Variants in DMC1 observed in about 807,000 individuals in gnomAD.
DMC1 encodes the protein DNA meiotic recombinase 1, also known as meiotic recombination protein DMC1 homolog.
Under a neutral mutation model 50.1 loss-of-function variants are expected in DMC1, and 27 were observed. The ratio of observed to expected loss-of-function variants is 0.54; its 90% CI spans 0.40 to 0.74. The LOEUF is 0.74. Among genes scored for constraint, DMC1 ranks in the 30% least tolerant of loss-of-function variants. The pLI is 0.00. For synonymous variants in DMC1, 148 were observed against 136.1 expected (o/e 1.09, Z -0.61); for missense variants, 295 against 420.2 (o/e 0.70, Z 2.60).
chr22:38,526,250 G>C (rs576930805), intron 12 of DMC1, among the ~76,000 whole-genome samples: 1 of 152,024 alleles, frequency 6.6e-6, no homozygotes, highest in South Asian at 2.1e-4. Flanking sequence ...TGTTGCCCAG[G>C]CTGGAGTGCA....
At chr22:38,530,264 G>A (rs1360771149) in intron 12 of DMC1, among the ~76,000 whole-genome samples, 1 of 151,908 alleles carries the variant, frequency 6.6e-6, no homozygotes, top group Non-Finnish European at 1.5e-5. Flanking sequence ...ATGCCTGGCA[G>A]GGGAGGCTTT....
intron 8 of DMC1, among the ~76,000 whole-genome samples, chr22:38,540,751 A>C (rs1177714349): frequency 6.6e-6 from 1 of 152,184 alleles, no homozygotes. Context: ...TATACCCAGT[A>C]GATGTTTTTG....
rs774534708 is a variant in DMC1, at chr22:38,536,178, T to C, written c.836+1414A>G. ...TTGCAGTGAGCAGAGATGGTGCCAC[T>C]GCATTGCAGCTTGGGTGACAGAGTG... On this transcript the variant is annotated intron_variant, in intron 12 of 13. Transcript: ENST00000216024. 1.6e-4 allele frequency among the ~76,000 whole-genome samples: 24 copies of C among 151,868 alleles called. 1 individual carries two copies. The highest frequency in any genetic ancestry group is 1.3e-4 in the Admixed American group (2 of 15,250).
chr22:38,541,316 G>A (rs546509954), intron 8 of DMC1, among the ~76,000 whole-genome samples: 2 of 152,144 alleles, frequency 1.3e-5, no homozygotes, highest in Admixed American at 6.5e-5. Context: ...TTTTGAGATG[G>A]AGTCTCACTC....
intron 1 of DMC1, among the ~76,000 whole-genome samples, chr22:38,569,644 T>TA (rs2090618373): frequency 6.6e-6 from 1 of 152,202 alleles, no homozygotes; most frequent in Admixed American, 6.5e-5. Flanking sequence ...GAGCCGTTGA[T>TA]AGACTGAACC....
the DMC1 span, among the ~76,000 whole-genome samples, chr22:38,511,816 G>A: frequency 1.4e-3 from 215 of 152,238 alleles, no homozygotes; most frequent in Non-Finnish European, 2.1e-3. Context: ...GCATATTGAT[G>A]TCTGGAACAA....
chr22:38,542,253 G>A (rs1004812887), intron 8 of DMC1, among the ~76,000 whole-genome samples: 2 of 151,792 alleles, frequency 1.3e-5, no homozygotes, highest in Admixed American at 6.6e-5. Context: ...TTGAAAAGGA[G>A]GAAGTCAAAT....
At chr22:38,568,374 G>T in intron 1 of DMC1, 85 bp from the exon 2 acceptor site, 1 of 978,868 alleles carries the variant, frequency 1.0e-6, no homozygotes, top group East Asian at 2.5e-5. Flanking sequence ...AGGACTAGAA[G>T]GACAGTAAGA....
intron 12 of DMC1, among the ~76,000 whole-genome samples, chr22:38,525,758 T>C (rs1488626908): frequency 6.6e-6 from 1 of 152,002 alleles, no homozygotes; most frequent in Non-Finnish European, 1.5e-5. Flanking sequence ...CTGGACAACA[T>C]GGTAAAACCC....
At chr22:38,567,715 A>C in intron 2 of DMC1, 88 bp from the exon 3 acceptor site, 1 of 993,886 alleles carries the variant, frequency 1.0e-6, no homozygotes, top group Non-Finnish European at 1.6e-6. Context: ...CAATACTATG[A>C]GTCACTCCAA....
rs1474467368 is a variant in DMC1 at position 38,519,656 on chromosome 22, TG to T, written c.*363del. On this transcript the variant is annotated 3_prime_UTR_variant, in exon 14 of 14. Coordinates refer to ENST00000216024, the MANE Select transcript of DMC1 (RefSeq NM_007068.4). ...AGACTTTCTGTTTAGTGGCTCACTT[TG>T]AAAAGTGAAAGGGAGGGAATCACGT... 1 of 275,612 alleles carries T rather than the reference TG, an allele frequency of 3.6e-6. No individual in the cohort carries two copies. The highest frequency in any genetic ancestry group is 4.7e-5 in the Admixed American group (1 of 21,280). 17.1% of individuals were successfully genotyped at this position (275,612 alleles called of 1,614,324 possible). A position where few individuals can be genotyped will look rare whatever the true frequency, so the allele number is the denominator to read the frequency against.
intron 5 of DMC1, among the ~76,000 whole-genome samples, chr22:38,556,277 T>C (rs2090468572): frequency 1.3e-5 from 2 of 152,104 alleles, no homozygotes; most frequent in South Asian, 4.2e-4. Context: ...ATTTTTTGTA[T>C]GGCTGGGGTC....
Position 38,562,751 on chromosome 22 carries a change from C to T in DMC1, c.244-382G>A, listed in dbSNP as rs115676321. ...ATATACATGTACACATATATACACA[C>T]GTTATATACACATATATACATATAT... is the stretch of plus-strand genomic sequence containing the variant. On this transcript the variant is annotated intron_variant, in intron 4 of 13. Transcript: ENST00000216024. Among the ~76,000 whole-genome samples the T allele has an allele frequency of 9.4e-3, 1,420 of 151,156 alleles. 23 individuals are homozygous for T. The highest frequency in any genetic ancestry group is 0.033 in the African/African-American group (1,347 of 40,792).
downstream of DMC1, among the ~76,000 whole-genome samples, chr22:38,515,666 G>A (rs931208761): frequency 2.0e-5 from 3 of 151,530 alleles, no homozygotes; most frequent in Admixed American, 2.0e-4. Context: ...GGGTGTAGTG[G>A]CGGGCGCCTG....
the DMC1 span, among the ~76,000 whole-genome samples, chr22:38,513,570 CTTTCTTTTTTCT>C: frequency 9.2e-5 from 14 of 152,206 alleles, no homozygotes; most frequent in Admixed American, 3.3e-4. Flanking sequence ...TTCTCTCTCT[CTTTCTTTTTTCT>C]TTTCTTTTTT....
At chr22:38,546,534 C>T (rs531203977) in intron 8 of DMC1, among the ~76,000 whole-genome samples, 3 of 152,274 alleles carry the variant, frequency 2.0e-5, no homozygotes, top group South Asian at 2.1e-4. Context: ...AAGCCCTGTA[C>T]GACATTTCAC....
intron 7 of DMC1, among the ~76,000 whole-genome samples, chr22:38,551,682 G>C (rs977239373): frequency 9.2e-5 from 14 of 151,848 alleles, no homozygotes; most frequent in African/African-American, 3.4e-4. Flanking sequence ...CTTTATACCA[G>C]GTACATACAT....
intron 4 of DMC1, among the ~76,000 whole-genome samples, chr22:38,563,616 G>C (rs1247793417): frequency 1.3e-5 from 2 of 152,078 alleles, no homozygotes; most frequent in African/African-American, 4.8e-5. Flanking sequence ...CACTTTGAGA[G>C]GCTGAGGCGG....
At chr22:38,549,181 T>G (rs1378608317) in intron 8 of DMC1, among the ~76,000 whole-genome samples, 2 of 152,210 alleles carry the variant, frequency 1.3e-5, no homozygotes, top group Non-Finnish European at 2.9e-5. Context: ...ATCCCAATCA[T>G]CTTTCTAGCC....
Sources: allele counts gnomAD v4.1 joint callset (sites outside exome capture counted in the v4.1 genomes callset), GRCh38; gene constraint gnomAD v4.1.1; transcripts MANE v1.5; gene names NCBI Gene and HGNC (gene_info 2026-07-23, HGNC 2026-07-21).